Variants in TFAP2D observed in about 807,000 individuals in gnomAD.
The protein encoded by TFAP2D is transcription factor AP-2-delta.
Under a neutral mutation model 43.6 loss-of-function variants are expected in TFAP2D, and 9 were observed. The ratio of observed to expected loss-of-function variants is 0.21; its 90% CI spans 0.12 to 0.36. TFAP2D has a LOEUF of 0.36. Among genes scored for constraint, TFAP2D ranks in the 10% least tolerant of loss-of-function variants. The pLI is 1.00. For synonymous variants in TFAP2D, 256 were observed against 224.9 expected (o/e 1.14, Z -1.24); for missense variants, 513 against 561.4 (o/e 0.91, Z 0.87).
At chr6:50,772,043 C>A (rs926505436) in intron 7 of TFAP2D, among the ~76,000 whole-genome samples, 1 of 152,120 alleles carries the variant, frequency 6.6e-6, no homozygotes, top group Non-Finnish European at 1.5e-5. Flanking sequence ...ACATATACAC[C>A]ATGGAATACT....
At chr6:50,747,614 A>G (rs1329427666) in intron 6 of TFAP2D, among the ~76,000 whole-genome samples, 1 of 152,064 alleles carries the variant, frequency 6.6e-6, no homozygotes, top group Non-Finnish European at 1.5e-5. Context: ...CAATGCAATA[A>G]ATACAATTCC....
chr6:50,741,576 T>C (rs1284015325), intron 5 of TFAP2D, among the ~76,000 whole-genome samples: 1 of 152,152 alleles, frequency 6.6e-6, no homozygotes, highest in Non-Finnish European at 1.5e-5. Context: ...CTAAGGATGC[T>C]GGCCTAAGAC....
chr6:50,745,007 T>A, intron 5 of TFAP2D, 100 bp from the exon 6 acceptor site: 1 of 1,432,520 alleles, frequency 7.0e-7, no homozygotes, highest in Non-Finnish European at 9.4e-7. Flanking sequence ...AAATGATTTG[T>A]CTGACCACAG....
chr6:50,729,682 A>G (rs1278120004), intron 5 of TFAP2D, among the ~76,000 whole-genome samples: 1 of 152,128 alleles, frequency 6.6e-6, no homozygotes, highest in Non-Finnish European at 1.5e-5. Context: ...TCAGTACAAC[A>G]TGATCTACAG....
At chr6:50,759,263 G>A (rs1458132415) in intron 7 of TFAP2D, among the ~76,000 whole-genome samples, 2 of 151,946 alleles carry the variant, frequency 1.3e-5, no homozygotes, top group Non-Finnish European at 2.9e-5. Flanking sequence ...GGAAGCACTT[G>A]GAATTAATTG....
chr6:50,736,965 CT>C (rs986056452), intron 5 of TFAP2D, among the ~76,000 whole-genome samples: 2 of 151,856 alleles, frequency 1.3e-5, no homozygotes, highest in African/African-American at 4.8e-5. Context: ...TGCTTTATTC[CT>C]TTTTTTGTTT....
At chr6:50,739,247 A>G (rs542887278) in intron 5 of TFAP2D, among the ~76,000 whole-genome samples, 149 of 152,012 alleles carry the variant, frequency 9.8e-4, no homozygotes, top group Non-Finnish European at 1.9e-3. Context: ...ACAGGCCCCA[A>G]TGTGTGATGT....
At chr6:50,727,515 G>A (rs1768825925) in intron 3 of TFAP2D, among the ~76,000 whole-genome samples, 1 of 152,184 alleles carries the variant, frequency 6.6e-6, no homozygotes, top group Non-Finnish European at 1.5e-5. Context: ...TGAATCATCT[G>A]AGGCTCTCAT....
At chr6:50,747,308 A>C (rs1475508141) in intron 6 of TFAP2D, among the ~76,000 whole-genome samples, 1 of 152,150 alleles carries the variant, frequency 6.6e-6, no homozygotes, top group Non-Finnish European at 1.5e-5. Flanking sequence ...GTTACAGATC[A>C]AGAGAATTAT....
At chr6:50,742,164 C>A (rs184040152) in intron 5 of TFAP2D, among the ~76,000 whole-genome samples, 10 of 151,780 alleles carry the variant, frequency 6.6e-5, no homozygotes, top group Non-Finnish European at 1.0e-4. Context: ...ATTTTTGGGC[C>A]CTCACACACA....
intron 7 of TFAP2D, among the ~76,000 whole-genome samples, chr6:50,752,844 G>T (rs1194673736): frequency 6.6e-6 from 1 of 151,770 alleles, no homozygotes; most frequent in African/African-American, 2.4e-5. Flanking sequence ...CCTTGTATCT[G>T]TGAGCCCTTA....
intron 1 of TFAP2D, 98 bp from the exon 2 acceptor site, chr6:50,715,018 G>A (rs1768592800): frequency 1.3e-6 from 2 of 1,481,502 alleles, no homozygotes; most frequent in African/African-American, 2.8e-5. Context: ...TCCTTGGAGT[G>A]CCAGAGAAAG....
intron 7 of TFAP2D, among the ~76,000 whole-genome samples, chr6:50,755,600 T>C (rs1451416714): frequency 6.6e-6 from 1 of 151,908 alleles, no homozygotes; most frequent in South Asian, 2.1e-4. Flanking sequence ...ACTATAAGCT[T>C]TTTTTCCCCC....
At chr6:50,757,972 A>AG (rs1292214957) in intron 7 of TFAP2D, among the ~76,000 whole-genome samples, 2 of 150,694 alleles carry the variant, frequency 1.3e-5, no homozygotes. Flanking sequence ...TATGCAATAA[A>AG]TATATGTAAA....
chr6:50,743,230 GA>G (rs2113881815), intron 5 of TFAP2D, among the ~76,000 whole-genome samples: 1 of 152,214 alleles, frequency 6.6e-6, no homozygotes, highest in South Asian at 2.1e-4. Flanking sequence ...GGCATGATCA[GA>G]ATTTACAAAA....
intron 6 of TFAP2D, 46 bp downstream of exon 6, chr6:50,745,294 T>A (rs1486091375): frequency 1.3e-6 from 2 of 1,599,142 alleles, no homozygotes; most frequent in African/African-American, 2.7e-5. Context: ...CTTCAGTATT[T>A]TTTTTTCATT....
intron 7 of TFAP2D, among the ~76,000 whole-genome samples, chr6:50,769,385 G>A (rs766562377): frequency 9.2e-5 from 14 of 152,320 alleles, no homozygotes; most frequent in Middle Eastern, 3.4e-3. Flanking sequence ...CAAAGCCAGT[G>A]TGAGGACTTG....
chr6:50,721,585 A>G (rs751779243), intron 3 of TFAP2D, among the ~76,000 whole-genome samples: 1 of 152,232 alleles, frequency 6.6e-6, no homozygotes, highest in Admixed American at 6.5e-5. Context: ...TTGTCATGGT[A>G]GTACACAGGA....
intron 3 of TFAP2D, among the ~76,000 whole-genome samples, chr6:50,725,388 C>G (rs1225276482): frequency 6.6e-6 from 1 of 152,100 alleles, no homozygotes; most frequent in Non-Finnish European, 1.5e-5. Flanking sequence ...AAATAGAGAG[C>G]CCTATCTCCA....
Sources: gnomAD v4.1 joint callset for allele counts (sites outside exome capture counted in the v4.1 genomes callset) on GRCh38, gnomAD v4.1.1 for gene constraint, MANE v1.5 for transcripts, NCBI Gene and HGNC (gene_info 2026-07-23, HGNC 2026-07-21) for gene names.